RPRD2: variants seen among roughly 807,000 people sequenced by gnomAD.
RPRD2 encodes the protein regulation of nuclear pre-mRNA domain-containing protein 2.
A neutral mutation model predicts 104.4 loss-of-function variants in RPRD2; 12 were observed. The observed-to-expected ratio is 0.11, with a 90% CI of 0.07 to 0.19. The LOEUF (loss-of-function observed/expected upper bound fraction) is 0.19, where lower values mean the gene tolerates loss of function less well. RPRD2 is among the 10% of genes least tolerant of loss of function. RPRD2 has a pLI of 1.00. For missense variants in RPRD2, 1,543 were observed against 1,790.1 expected, an observed-to-expected ratio of 0.86 and a Z score of 2.49; for synonymous variants, 714 against 684.9, an observed-to-expected ratio of 1.04 and a Z score of -0.66.
intron 2 of RPRD2, among the ~76,000 whole-genome samples, chr1:150,420,651 C>A (rs1427604503): frequency 1.3e-5 from 2 of 152,210 alleles, no homozygotes; most frequent in East Asian, 3.9e-4. Flanking sequence ...CATGGTGAAA[C>A]CCCATCTGTA....
chr1:150,364,190 C>T lies in RPRD2; in HGVS notation c.-525C>T, dbSNP rs1260036777. On this transcript the variant is annotated 5_prime_UTR_variant, in exon 1 of 11. Coordinates refer to ENST00000369068, the MANE Select transcript of RPRD2 (RefSeq NM_015203.5). ...CTGCTATTGCGTTGCAAAAAAAATC[C>T]TGACTAGGTAGCCTTGGACCTTTTC... Among the ~76,000 whole-genome samples the T allele has an allele frequency of 6.6e-6, 1 of 152,214 alleles. No homozygotes were observed. The highest frequency in any genetic ancestry group is 1.5e-5 in the Non-Finnish European group (1 of 68,044).
chr1:150,380,711 A>G (rs782743377), intron 1 of RPRD2, among the ~76,000 whole-genome samples: 6 of 150,096 alleles, frequency 4.0e-5, no homozygotes, highest in South Asian at 4.2e-4. Flanking sequence ...CTGGAGTGCA[A>G]TGGCGTGCTG....
At chr1:150,435,811 G>T (rs1246762814) in intron 2 of RPRD2, among the ~76,000 whole-genome samples, 1 of 152,230 alleles carries the variant, frequency 6.6e-6, no homozygotes, top group Admixed American at 6.5e-5. Context: ...CCAGTAATCA[G>T]CAGATTTTCA....
chr1:150,400,779 A>G (rs1420927431), intron 1 of RPRD2, among the ~76,000 whole-genome samples: 1 of 152,048 alleles, frequency 6.6e-6, no homozygotes, highest in Non-Finnish European at 1.5e-5. Flanking sequence ...GTTTTTAATA[A>G]ATGTCCTTTG....
intron 1 of RPRD2, among the ~76,000 whole-genome samples, chr1:150,408,144 A>T (rs965853710): frequency 6.6e-6 from 1 of 150,532 alleles, no homozygotes; most frequent in African/African-American, 2.5e-5. Flanking sequence ...CATTTATTTT[A>T]AAATATTCAT....
chr1:150,432,170 A>C (rs1278997338), intron 2 of RPRD2, among the ~76,000 whole-genome samples: 2 of 136,490 alleles, frequency 1.5e-5, no homozygotes, highest in Non-Finnish European at 3.3e-5. Context: ...CAAGACCCTA[A>C]ATCTTAAAAA....
chr1:150,401,804 C>T (rs1316832177), intron 1 of RPRD2, among the ~76,000 whole-genome samples: 4 of 151,532 alleles, frequency 2.6e-5, no homozygotes, highest in Admixed American at 6.6e-5. Flanking sequence ...CCACCACGCC[C>T]GGCTAATTTT....
chr1:150,449,486 A>G (rs1053539111), intron 7 of RPRD2, among the ~76,000 whole-genome samples: 1 of 151,680 alleles, frequency 6.6e-6, no homozygotes, highest in Admixed American at 6.6e-5. Flanking sequence ...AATAATTTTT[A>G]GATTTCTATT....
intron 7 of RPRD2, 117 bp from the exon 8 acceptor site, chr1:150,457,171 C>A: frequency 1.0e-6 from 1 of 954,232 alleles, no homozygotes; most frequent in South Asian, 1.7e-5. Flanking sequence ...TTGCAGTGAA[C>A]CAAGATTGTG....
Position 150,470,739 on chromosome 1 carries a change from A to G in RPRD2, c.1791A>G (p.Ser597=), listed in dbSNP as rs892136672. 1.5e-5 allele frequency: 24 copies of G among 1,613,934 alleles called. No homozygotes were observed. Among genetic ancestry groups the G allele is most frequent in the Non-Finnish European group, 1.9e-5 (23 of 1,179,902 alleles). The change falls in exon 11 of 11, where the codon TCA becomes TCG. Residue 597 remains serine (S), a synonymous_variant. Coordinates refer to ENST00000369068, the MANE Select transcript of RPRD2 (RefSeq NM_015203.5). ...PKSFNYSPNS[S]TSEVSSTSAS... is the part of the protein sequence containing the mutation. Reference sequence around the variant, plus strand: ...GCTTCAACTATTCTCCTAACTCATCAACTTCTGAAGTCTCTTCAACTTCAG... The same window carrying G: ...GCTTCAACTATTCTCCTAACTCATCGACTTCTGAAGTCTCTTCAACTTCAG...
intron 2 of RPRD2, among the ~76,000 whole-genome samples, chr1:150,419,146 T>C (rs1187237376): frequency 6.6e-6 from 1 of 152,228 alleles, no homozygotes; most frequent in African/African-American, 2.4e-5. Flanking sequence ...TCTGATCTTA[T>C]TTTTGCCCTG....
chr1:150,416,763 T>G (rs1664357326), intron 1 of RPRD2, among the ~76,000 whole-genome samples: 2 of 150,592 alleles, frequency 1.3e-5, no homozygotes, highest in African/African-American at 2.4e-5. Context: ...TCCCATCTAC[T>G]TGGGAGGCTG....
At chr1:150,393,647 ATAG>A (rs1237321850) in intron 1 of RPRD2, among the ~76,000 whole-genome samples, 7 of 152,210 alleles carry the variant, frequency 4.6e-5, no homozygotes, top group Non-Finnish European at 8.8e-5. Flanking sequence ...TTTGGCATCA[ATAG>A]TAGTGGGATG....
In RPRD2 at chr1:150,471,782, A is replaced by G. The variant is rs762283042; in HGVS notation, c.2834A>G (p.Asn945Ser). The change falls in exon 11 of 11, where the codon AAT (asparagine) becomes AGT (serine). Residue 945 changes from asparagine (N) to serine (S), a missense_variant. Physicochemically the swap from Asn to Ser is conservative, Grantham distance 46. This residue lies in a region of RPRD2 where 880 missense variants were observed against 885.6 expected (regional missense o/e 0.99). Coordinates refer to ENST00000369068, the MANE Select transcript of RPRD2 (RefSeq NM_015203.5). The surrounding 1 kb of genome is among the most constrained non-coding windows in gnomAD (Gnocchi z 5.3). ...DSFFTPDSNH[N>S]SLSQSTTGHL... ...TTTTTCACCCCTGACTCCAACCACA[A>G]TAGCTTGTCTCAATCTACCACTGGG... is the stretch of plus-strand genomic sequence containing the variant. 12 of 1,613,736 alleles carry G rather than the reference A, an allele frequency of 7.4e-6. No individual in the cohort carries two copies. The highest frequency in any genetic ancestry group is 5.0e-5 in the Admixed American group (3 of 59,980).
chr1:150,471,263 C>G lies in RPRD2; in HGVS notation c.2315C>G (p.Pro772Arg), dbSNP rs757954023. 7.4e-6 allele frequency: 12 copies of G among 1,613,562 alleles called. No individual in the cohort carries two copies. The highest frequency in any genetic ancestry group is 9.3e-6 in the Non-Finnish European group (11 of 1,179,796). ...CCCAGCAGTACAAGATCACCACCCCCTGGGAGAGATGAAAGCTACCCCCGA... is the reference window on the plus strand; with the variant it reads ...CCCAGCAGTACAAGATCACCACCCCGTGGGAGAGATGAAAGCTACCCCCGA... ...STPSSTRSPPPGRDESYPREL... is the reference protein window; with the variant it reads ...STPSSTRSPPRGRDESYPREL... The change falls in exon 11 of 11, where the codon CCT (proline) becomes CGT (arginine). Residue 772 changes from proline (P) to arginine (R), a missense_variant. Physicochemically the swap from Pro to Arg is moderately radical, Grantham distance 103. Transcript: ENST00000369068. This position sits in a 1 kb window ranked among gnomAD's most constrained non-coding sequence, Gnocchi z 5.3.
In RPRD2 at chr1:150,431,473, ATTTTTTTTT is replaced by A. The variant is rs1160491386; in HGVS notation, c.336-9434_336-9426del. Among the ~76,000 whole-genome samples the A allele has an allele frequency of 4.6e-4, 36 of 78,846 alleles. 1 individual carries two copies. The highest frequency in any genetic ancestry group is 1.0e-3 in the East Asian group (2 of 1,920). 51.7% of individuals were successfully genotyped at this position (78,846 alleles called of 152,430 possible). ...TATTATTCAGTCTTAAAAAGGAAGG[ATTTTTTTTT>A]TTTTTTTTTTTTTTTGAGACGGGGT... is the stretch of plus-strand genomic sequence containing the variant. On this transcript the variant is annotated intron_variant, in intron 2 of 10. Transcript: ENST00000369068.
rs145486353 is a variant in RPRD2 at position 150,471,262 on chromosome 1, C to G, written c.2314C>G (p.Pro772Ala). The G allele has an allele frequency of 1.9e-6, 3 of 1,613,754 alleles. No homozygotes were observed. Among genetic ancestry groups the G allele is most frequent in the East Asian group, 4.5e-5 (2 of 44,864 alleles). Residue 772 changes from proline (P) to alanine (A), a missense_variant, in exon 11 of 11, where the codon CCT becomes GCT. Transcript: ENST00000369068. The surrounding 1 kb of genome is among the most constrained non-coding windows in gnomAD (Gnocchi z 5.3). ...ACCCAGCAGTACAAGATCACCACCC[C>G]CTGGGAGAGATGAAAGCTACCCCCG... ...STPSSTRSPP[P>A]GRDESYPREL...
chr1:150,444,366 A>G lies in RPRD2; in HGVS notation c.683A>G (p.Lys228Arg). ...GATGTGTGCAGCACAGAAACTCTCA[A>G]ATGCTTAAAAGGTAATGCTTACATC... Reference protein sequence around the residue: ...RVDVCSTETLKCLKDKTGGKK... With the variant: ...RVDVCSTETLRCLKDKTGGKK... Residue 228 changes from lysine (K) to arginine (R), a missense_variant, in exon 6 of 11, where the codon AAA becomes AGA. By Grantham distance (26) the Lys-to-Arg change is conservative. This residue lies in a region of RPRD2 where 572 missense variants were observed against 787.3 expected (regional missense o/e 0.73). Coordinates refer to ENST00000369068, the MANE Select transcript of RPRD2 (RefSeq NM_015203.5). 6.2e-7 allele frequency: 1 copy of G among 1,612,800 alleles called. No homozygotes were observed. Among genetic ancestry groups the G allele is most frequent in the Non-Finnish European group, 8.5e-7 (1 of 1,179,516 alleles).
At position 150,472,753 on chromosome 1, in the gene RPRD2, A is replaced by T. The variant is rs1396265925; in HGVS notation, c.3805A>T (p.Thr1269Ser). The change falls in exon 11 of 11, where the codon ACC becomes TCC. Residue 1269 changes from threonine to serine, a missense_variant. Physicochemically the swap from Thr to Ser is moderately conservative, Grantham distance 58 (BLOSUM62 1). Around this residue, in one of 4 missense-constraint regions of RPRD2, gnomAD observed 880 missense variants for 885.6 expected, o/e 0.99. Transcript: ENST00000369068. ...AGAGCACAGTGGAATTCCTTTCCCT[A>T]CCCCACCTCCTCCTCCCCCTCCTGG... ...PGEHSGIPFP[T>S]PPPPPPPGEH... The T allele has an allele frequency of 6.2e-7, 1 of 1,611,378 alleles. No homozygotes were observed. Among genetic ancestry groups the T allele is most frequent in the Middle Eastern group, 1.7e-4 (1 of 6,054 alleles).
Sources: gnomAD v4.1 joint callset for allele counts (sites outside exome capture counted in the v4.1 genomes callset) on GRCh38, gnomAD v4.1.1 for gene constraint, gnomAD v4.1.1 regional missense constraint, Gnocchi (gnomAD v3.1) non-coding constraint, MANE v1.5 for transcripts, NCBI Gene and HGNC (gene_info 2026-07-23, HGNC 2026-07-21) for gene names.